The following DAB1 variants were observed in gnomAD, a reference collection of about 807,000 sequenced individuals.
DAB1 encodes disabled homolog 1.
In DAB1, 15 loss-of-function variants were observed where a neutral mutation model predicts 64.6. The observed-to-expected ratio is 0.23, with a 90% confidence interval of 0.16 to 0.36. The LOEUF is 0.36. Among genes scored for constraint, DAB1 ranks in the 10% least tolerant of loss-of-function variants. The pLI, the probability that DAB1 is intolerant of heterozygous loss-of-function variation, is 1.00. For synonymous variants in DAB1, 235 were observed against 251.9 expected, an observed-to-expected ratio of 0.93 and a Z score of 0.64; for missense variants, 596 against 706.7, an observed-to-expected ratio of 0.84 and a Z score of 1.78.
intron 2 of DAB1, among the ~76,000 whole-genome samples, chr1:57,152,150 G>C (rs1473577837): frequency 6.6e-6 from 1 of 152,176 alleles, no homozygotes; most frequent in Non-Finnish European, 1.5e-5. Flanking sequence ...CCTTAAGTGT[G>C]AGAAATACTA....
At chr1:58,269,243 C>A (rs543120611) in intron 4 of DAB1, among the ~76,000 whole-genome samples, 1 of 150,774 alleles carries the variant, frequency 6.6e-6, no homozygotes, top group African/African-American at 2.4e-5. Context: ...CAATTCCCAC[C>A]TATGAGTGAG....
intron 6 of DAB1, among the ~76,000 whole-genome samples, chr1:57,795,722 TA>T (rs1381314354): frequency 7.5e-6 from 1 of 132,688 alleles, no homozygotes; most frequent in Non-Finnish European, 1.6e-5. Context: ...TATATATATA[TA>T]TATATATATA....
chr1:57,227,160 G>T (rs1478300492), intron 2 of DAB1, among the ~76,000 whole-genome samples: 1 of 152,144 alleles, frequency 6.6e-6, no homozygotes, highest in Admixed American at 6.5e-5. Flanking sequence ...GGGTGACAGT[G>T]ATCAAATAAT....
At position 58,116,007 on chromosome 1, in the gene DAB1, TAAAC is replaced by T. The variant is rs1652310632; in HGVS notation, n.387+34500_387+34503del. 2.0e-5 allele frequency among the ~76,000 whole-genome samples: 3 copies of T among 150,890 alleles called. No homozygotes were observed. In the South Asian group the frequency reaches 6.3e-4, roughly 32 times the overall value. On this transcript the variant is annotated intron_variant and non_coding_transcript_variant, in intron 5 of 20. Transcript: ENST00000485760. Reference sequence around the variant, plus strand: ...GTATAAAAAAAAAAAAAATTAATATTAAACAATTCATCTATACAAAAAAAATAAA... The same window carrying T: ...GTATAAAAAAAAAAAAAATTAATATTAATTCATCTATACAAAAAAAATAAA...
chr1:57,048,144 C>T (rs944040893), intron 9 of DAB1, among the ~76,000 whole-genome samples: 6 of 152,254 alleles, frequency 3.9e-5, no homozygotes, highest in East Asian at 1.9e-4. Context: ...GTTTAAATAA[C>T]CCACCCAAGG....
At chr1:57,334,183 A>G (rs766281091) in intron 1 of DAB1, among the ~76,000 whole-genome samples, 96 of 152,342 alleles carry the variant, frequency 6.3e-4, no homozygotes, top group Non-Finnish European at 1.0e-3. Flanking sequence ...ACTGTGTGGC[A>G]GGAAAAGGCC....
At chr1:57,807,961 A>G (rs531179678) in intron 6 of DAB1, among the ~76,000 whole-genome samples, 17 of 152,202 alleles carry the variant, frequency 1.1e-4, no homozygotes, top group Non-Finnish European at 2.4e-4. Context: ...TATGTAATAC[A>G]TATAACACTC....
chr1:57,987,814 C>T (rs1358028789), intron 5 of DAB1, among the ~76,000 whole-genome samples: 1 of 151,546 alleles, frequency 6.6e-6, no homozygotes, highest in Non-Finnish European at 1.5e-5. Context: ...TGAAGTGTCC[C>T]CTCCAAAGTG....
chr1:58,393,413 C>T (rs1420984804), intron 3 of DAB1, among the ~76,000 whole-genome samples: 1 of 152,160 alleles, frequency 6.6e-6, no homozygotes, highest in African/African-American at 2.4e-5. Flanking sequence ...AGGCATTACG[C>T]TAAGAGTTTT....
intron 1 of DAB1, among the ~76,000 whole-genome samples, chr1:57,839,448 A>G (rs1188971607): frequency 3.3e-5 from 5 of 152,220 alleles, no homozygotes; most frequent in Admixed American, 3.3e-4. Context: ...CTGTATTTAT[A>G]ATTAGTATTT....
At chr1:57,436,348 T>C (rs76246753) in intron 7 of DAB1, among the ~76,000 whole-genome samples, 1 of 152,298 alleles carries the variant, frequency 6.6e-6, no homozygotes, top group East Asian at 1.9e-4. Context: ...TACAATCTTA[T>C]AGGACCATCA....
intron 4 of DAB1, among the ~76,000 whole-genome samples, chr1:58,235,916 A>G (rs1258333764): frequency 6.6e-6 from 1 of 152,220 alleles, no homozygotes; most frequent in Non-Finnish European, 1.5e-5. Flanking sequence ...AGATCAGGTC[A>G]GGCCTGGGGC....
chr1:57,574,058 G>C lies in DAB1; in HGVS notation n.625+75534C>G, dbSNP rs145187257. ...TAGAGAAGAATGATTCTGGAAGGAT[G>C]GTAACCAGATATGCCAGAAGTCCAT... is the stretch of plus-strand genomic sequence containing the variant. On this transcript the variant is annotated intron_variant and non_coding_transcript_variant, in intron 7 of 20. Transcript: ENST00000485760. Among the ~76,000 whole-genome samples the C allele has an allele frequency of 4.6e-3, 705 of 152,286 alleles. 19 individuals are homozygous for C. The highest frequency in any genetic ancestry group is 0.038 in the Admixed American group (578 of 15,286).
intron 5 of DAB1, among the ~76,000 whole-genome samples, chr1:58,033,090 C>G (rs1646993549): frequency 6.6e-6 from 1 of 152,198 alleles, no homozygotes; most frequent in Admixed American, 6.5e-5. Flanking sequence ...CTTCTCCATT[C>G]TGCCCTGTGC....
At chr1:57,632,825 G>A (rs1646006832) in intron 7 of DAB1, among the ~76,000 whole-genome samples, 1 of 152,090 alleles carries the variant, frequency 6.6e-6, no homozygotes, top group South Asian at 2.1e-4. Context: ...TAGGAAGTAA[G>A]GAATTGTTAT....
intron 5 of DAB1, among the ~76,000 whole-genome samples, chr1:58,014,552 T>C (rs1284842910): frequency 6.6e-6 from 1 of 152,218 alleles, no homozygotes; most frequent in Non-Finnish European, 1.5e-5. Flanking sequence ...TCTTCCACCA[T>C]GCTGTCAAGT....
chr1:57,246,724 G>A (rs1345299414), intron 2 of DAB1, among the ~76,000 whole-genome samples: 2 of 152,222 alleles, frequency 1.3e-5, no homozygotes, highest in African/African-American at 2.4e-5. Context: ...GAGCAACCTC[G>A]GGGGCTATAT....
intron 4 of DAB1, among the ~76,000 whole-genome samples, chr1:58,192,472 A>G (rs1047500372): frequency 2.0e-5 from 3 of 151,986 alleles, no homozygotes; most frequent in African/African-American, 7.3e-5. Context: ...CTATGTGTCC[A>G]TGTGTATCAT....
chr1:57,964,081 C>G (rs903156743), intron 5 of DAB1, among the ~76,000 whole-genome samples: 1 of 152,090 alleles, frequency 6.6e-6, no homozygotes, highest in Non-Finnish European at 1.5e-5. Context: ...AGGGGAGGAG[C>G]AAGGACATGG....
Sources: gnomAD v4.1 joint callset for allele counts (sites outside exome capture counted in the v4.1 genomes callset) on GRCh38, gnomAD v4.1.1 for gene constraint, MANE v1.5 for transcripts, NCBI Gene and HGNC (gene_info 2026-07-23, HGNC 2026-07-21) for gene names.